Variants in TENM2 observed in about 807,000 individuals in gnomAD.
TENM2 encodes the protein teneurin transmembrane protein 2.
Under a neutral mutation model 245.2 loss-of-function variants are expected in TENM2, and 52 were observed. The observed-to-expected ratio is 0.21, with a 90% CI of 0.17 to 0.27. The LOEUF is 0.27. Among genes scored for constraint, TENM2 ranks in the 10% least tolerant of loss-of-function variants. The probability of loss-of-function intolerance (pLI) is 1.00; values close to 1 mark genes in which losing one functional copy is unlikely to be tolerated. For synonymous variants in TENM2, 1,363 were observed against 1,438.9 expected (o/e 0.95, Z 1.19); for missense variants, 3,046 against 3,666.8 (o/e 0.83, Z 4.37).
intron 2 of TENM2, among the ~76,000 whole-genome samples, chr5:167,790,350 A>G (rs1400688189): frequency 6.6e-6 from 1 of 152,214 alleles, no homozygotes; most frequent in African/African-American, 2.4e-5. Context: ...TTTAAGCTAA[A>G]AAAAGGAACA....
At chr5:168,253,130 C>A (rs909745181) in intron 27 of TENM2, among the ~76,000 whole-genome samples, 3 of 151,912 alleles carry the variant, frequency 2.0e-5, no homozygotes, top group Non-Finnish European at 4.4e-5. Context: ...CCACGCCCAG[C>A]TAATTTTTTT....
chr5:167,268,897 G>GATAGATAC, the TENM2 span, among the ~76,000 whole-genome samples: 1 of 150,456 alleles, frequency 6.6e-6, no homozygotes, highest in African/African-American at 2.5e-5. Context: ...TAGATAGATA[G>GATAGATAC]ATAGATAGAT....
At chr5:167,074,240 A>G in the TENM2 span, among the ~76,000 whole-genome samples, 4 of 152,242 alleles carry the variant, frequency 2.6e-5, no homozygotes, top group African/African-American at 9.6e-5. Flanking sequence ...TTAAAAACTC[A>G]TAAGTAATTA....
intron 2 of TENM2, among the ~76,000 whole-genome samples, chr5:167,689,015 G>T (rs1186353023): frequency 1.3e-5 from 2 of 152,180 alleles, no homozygotes; most frequent in Admixed American, 1.3e-4. Flanking sequence ...TTTAAACCTT[G>T]TGTAGGATTA....
At chr5:168,225,752 C>CCAT (rs765848669) in intron 23 of TENM2, among the ~76,000 whole-genome samples, 16 of 145,408 alleles carry the variant, frequency 1.1e-4, no homozygotes, top group Non-Finnish European at 2.0e-4. Flanking sequence ...GAGTGAGACT[C>CCAT]CATCATCTCA....
At chr5:167,298,884 C>T (rs577790438) in intron 1 of TENM2, among the ~76,000 whole-genome samples, 40 of 152,202 alleles carry the variant, frequency 2.6e-4, no homozygotes, top group African/African-American at 4.8e-4. Flanking sequence ...TAGTTGAGAA[C>T]GGTGAATAGG....
intron 9 of TENM2, among the ~76,000 whole-genome samples, chr5:168,117,122 C>T (rs1202658454): frequency 6.6e-6 from 1 of 152,180 alleles, no homozygotes; most frequent in Non-Finnish European, 1.5e-5. Flanking sequence ...GGAATTGGCA[C>T]ATTTGAGGCC....
chr5:168,064,411 C>G (rs1020597708), intron 7 of TENM2, among the ~76,000 whole-genome samples: 1 of 152,142 alleles, frequency 6.6e-6, no homozygotes, highest in Non-Finnish European at 1.5e-5. Context: ...CAAAGCTCTG[C>G]TTGCCCCCTT....
At chr5:167,737,435 T>C (rs1760878745) in intron 2 of TENM2, among the ~76,000 whole-genome samples, 1 of 152,214 alleles carries the variant, frequency 6.6e-6, no homozygotes, top group Admixed American at 6.5e-5. Flanking sequence ...CTTTAACTGT[T>C]TGGCTGCTGC....
intron 2 of TENM2, among the ~76,000 whole-genome samples, chr5:167,424,331 A>G (rs1297987879): frequency 6.6e-6 from 1 of 152,088 alleles, no homozygotes; most frequent in African/African-American, 2.4e-5. Flanking sequence ...TATTCTGCAC[A>G]CACACACATT....
At chr5:168,093,688 C>T (rs1164447093) in intron 8 of TENM2, among the ~76,000 whole-genome samples, 1 of 152,202 alleles carries the variant, frequency 6.6e-6, no homozygotes, top group East Asian at 1.9e-4. Context: ...ATGCCAGCCT[C>T]CACTTGGATA....
At chr5:167,456,585 G>A (rs1765936389) in intron 2 of TENM2, among the ~76,000 whole-genome samples, 1 of 152,084 alleles carries the variant, frequency 6.6e-6, no homozygotes, top group African/African-American at 2.4e-5. Flanking sequence ...ACTAGCTAGA[G>A]GTAACTGTGC....
chr5:167,057,838 G>C, the TENM2 span, among the ~76,000 whole-genome samples: 1 of 152,244 alleles, frequency 6.6e-6, no homozygotes, highest in South Asian at 2.1e-4. Flanking sequence ...AATACTCACT[G>C]TCAGGATTTG....
intron 23 of TENM2, among the ~76,000 whole-genome samples, chr5:168,224,650 C>T (rs1336061672): frequency 1.3e-5 from 2 of 152,158 alleles, no homozygotes; most frequent in Admixed American, 1.3e-4. Context: ...CCCATCCCCA[C>T]GCGCTGCACA....
intron 1 of TENM2, among the ~76,000 whole-genome samples, chr5:167,300,715 G>A (rs1755259180): frequency 6.6e-6 from 1 of 152,176 alleles, no homozygotes; most frequent in Middle Eastern, 3.4e-3. Flanking sequence ...GGAAGGAGTA[G>A]AGGTGTCTTA....
At chr5:168,248,096 T>C (rs1471204645) in exon 27 of TENM2, 1 of 1,613,806 alleles carries the variant, frequency 6.2e-7, no homozygotes, top group Non-Finnish European at 8.5e-7. Flanking sequence ...GGCCTCATGA[T>C]CAAACAGCTG....
chr5:167,530,783 A>G (rs943972888), intron 2 of TENM2, among the ~76,000 whole-genome samples: 1 of 152,172 alleles, frequency 6.6e-6, no homozygotes, highest in Non-Finnish European at 1.5e-5. Flanking sequence ...TCTTCCAGCA[A>G]GCGGACTTAG....
chr5:167,710,200 G>A (rs550711888), intron 2 of TENM2, among the ~76,000 whole-genome samples: 19 of 152,220 alleles, frequency 1.2e-4, no homozygotes, highest in Admixed American at 3.9e-4. Context: ...ACTCTGTGGT[G>A]GTATGTGTGT....
At chr5:167,674,779 A>C (rs575255774) in intron 2 of TENM2, among the ~76,000 whole-genome samples, 1 of 152,228 alleles carries the variant, frequency 6.6e-6, no homozygotes, top group African/African-American at 2.4e-5. Context: ...GAGGAGCATT[A>C]GTTAACAGAA....
Sources: allele counts gnomAD v4.1 joint callset (sites outside exome capture counted in the v4.1 genomes callset), GRCh38; gene constraint gnomAD v4.1.1; transcripts MANE v1.5; gene names NCBI Gene and HGNC (gene_info 2026-07-23, HGNC 2026-07-21).